Variants in SPOCK1 observed in about 807,000 individuals in gnomAD.
The protein encoded by SPOCK1 is SPARC (osteonectin), cwcv and kazal like domains proteoglycan 1.
A neutral mutation model predicts 55.3 loss-of-function variants in SPOCK1; 23 were observed. The observed-to-expected ratio is 0.42, with a 90% CI of 0.30 to 0.59. The LOEUF is 0.59. SPOCK1 is among the 20% of genes least tolerant of loss of function. SPOCK1 has a pLI of 0.22. For missense variants in SPOCK1, 499 were observed against 552.5 expected, an observed-to-expected ratio of 0.90 and a Z score of 0.97; for synonymous variants, 226 against 221.0, an observed-to-expected ratio of 1.02 and a Z score of -0.20.
At position 137,001,323 on chromosome 5, in the gene SPOCK1, T is replaced by C. The variant is rs992663926; in HGVS notation, c.590-8723A>G. ...TGGTGATCCACCAAATAGAAAAGTA[T>C]AGGAATCAAGGTCATGCATGTGATG... On this transcript the variant is annotated intron_variant, in intron 6 of 10. Transcript: ENST00000394945. Among the ~76,000 whole-genome samples the C allele has an allele frequency of 6.6e-5, 10 of 152,244 alleles. No individual in the cohort carries two copies. In the East Asian group the frequency reaches 1.9e-3, roughly 29 times the overall value.
intron 2 of SPOCK1, among the ~76,000 whole-genome samples, chr5:137,367,994 T>C (rs916891776): frequency 2.6e-5 from 4 of 152,330 alleles, no homozygotes; most frequent in African/African-American, 9.6e-5. Flanking sequence ...ACCCCACTTA[T>C]ACTATCCAAC....
At chr5:137,353,685 T>C (rs528628364) in intron 2 of SPOCK1, among the ~76,000 whole-genome samples, 19 of 152,270 alleles carry the variant, frequency 1.2e-4, no homozygotes, top group Admixed American at 1.0e-3. Context: ...CTCTGACCAA[T>C]AGGGACTGCA....
chr5:137,427,858 G>A (rs915284035), intron 2 of SPOCK1, among the ~76,000 whole-genome samples: 9 of 148,244 alleles, frequency 6.1e-5, no homozygotes, highest in Non-Finnish European at 8.9e-5. Flanking sequence ...GCAGTGAGCC[G>A]AGATCGCGCC....
At chr5:137,382,231 A>G (rs949542026) in intron 2 of SPOCK1, among the ~76,000 whole-genome samples, 9 of 152,240 alleles carry the variant, frequency 5.9e-5, no homozygotes, top group Non-Finnish European at 1.2e-4. Context: ...CTCAGCCTGG[A>G]CATCACTGTC....
intron 3 of SPOCK1, among the ~76,000 whole-genome samples, chr5:137,199,008 C>T (rs576684446): frequency 1.3e-5 from 2 of 152,282 alleles, no homozygotes; most frequent in South Asian, 2.1e-4. Flanking sequence ...CTGCCATAAC[C>T]GTTTGTCAAA....
intron 2 of SPOCK1, among the ~76,000 whole-genome samples, chr5:137,325,016 C>T (rs1758052027): frequency 6.7e-6 from 1 of 149,696 alleles, no homozygotes; most frequent in African/African-American, 2.5e-5. Flanking sequence ...ATTGTCAATA[C>T]ACCTGCAGAT....
chr5:137,199,157 G>A lies in SPOCK1; in HGVS notation c.233-58463C>T, dbSNP rs141464789. 1.6e-3 allele frequency among the ~76,000 whole-genome samples: 251 copies of A among 152,282 alleles called. 3 individuals are homozygous for A. Among genetic ancestry groups the A allele is most frequent in the Admixed American group, 0.015 (228 of 15,300 alleles). ...CTCAGAGTCTGAGTCAGTGGATTCT[G>A]TCACATTGTGACCCAGGAGAACACA... is the stretch of plus-strand genomic sequence containing the variant. On this transcript the variant is annotated intron_variant, in intron 3 of 10. Transcript: ENST00000394945.
intron 6 of SPOCK1, 105 bp from the exon 7 acceptor site, chr5:136,992,705 C>T: frequency 1.3e-6 from 1 of 757,206 alleles, no homozygotes; most frequent in Admixed American, 2.6e-5. Context: ...TCTATCCAAC[C>T]ACGATATAAC....
chr5:137,074,088 T>C (rs1358308029), intron 5 of SPOCK1, among the ~76,000 whole-genome samples: 3 of 152,108 alleles, frequency 2.0e-5, no homozygotes, highest in Non-Finnish European at 4.4e-5. Context: ...AAATCCAAAA[T>C]TGAGGACATT....
At chr5:137,082,762 C>A (rs1028799253) in intron 5 of SPOCK1, among the ~76,000 whole-genome samples, 4 of 152,178 alleles carry the variant, frequency 2.6e-5, no homozygotes, top group African/African-American at 9.7e-5. Context: ...AGTGGGGCAG[C>A]TTCAAAGACC....
At chr5:137,489,131 G>A (rs1561549053) in intron 2 of SPOCK1, among the ~76,000 whole-genome samples, 1 of 152,158 alleles carries the variant, frequency 6.6e-6, no homozygotes, top group East Asian at 1.9e-4. Flanking sequence ...GTCTGTCATA[G>A]GAACAATGGG....
chr5:137,206,820 C>A (rs999649058), intron 3 of SPOCK1, among the ~76,000 whole-genome samples: 1 of 152,168 alleles, frequency 6.6e-6, no homozygotes, highest in Non-Finnish European at 1.5e-5. Context: ...TTGATTTAAT[C>A]CTCAAATGCT....
At position 137,267,302 on chromosome 5, in the gene SPOCK1, C is replaced by T. The variant is rs140008037; in HGVS notation, c.187-247G>A. On this transcript the variant is annotated intron_variant, in intron 2 of 10. Transcript: ENST00000394945. ...AAAACATTTCAGCCCAGTATAGAAACAGCGCTGCTCTTCTTAGTTTGACAT... is the reference window on the plus strand; with the variant it reads ...AAAACATTTCAGCCCAGTATAGAAATAGCGCTGCTCTTCTTAGTTTGACAT... Among the ~76,000 whole-genome samples the T allele has an allele frequency of 1.6e-4, 25 of 152,332 alleles. No homozygotes were observed. The East Asian group carries it at 4.8e-3, about 29-fold the overall frequency.
At chr5:137,171,838 A>G (rs1163256978) in intron 3 of SPOCK1, among the ~76,000 whole-genome samples, 1 of 152,188 alleles carries the variant, frequency 6.6e-6, no homozygotes, top group African/African-American at 2.4e-5. Flanking sequence ...CAACATCAGT[A>G]TCCTCGTACC....
At chr5:137,214,002 A>T (rs1006890542) in intron 3 of SPOCK1, among the ~76,000 whole-genome samples, 1 of 152,214 alleles carries the variant, frequency 6.6e-6, no homozygotes, top group Admixed American at 6.5e-5. Flanking sequence ...AGACCAAAGA[A>T]AACTGCAACC....
intron 3 of SPOCK1, among the ~76,000 whole-genome samples, chr5:137,259,035 G>T (rs1427977412): frequency 6.6e-6 from 1 of 152,138 alleles, no homozygotes; most frequent in Non-Finnish European, 1.5e-5. Flanking sequence ...AGGAAGAAAC[G>T]CTCTTTGTAG....
At chr5:137,382,013 C>T (rs147857076) in intron 2 of SPOCK1, among the ~76,000 whole-genome samples, 11 of 152,270 alleles carry the variant, frequency 7.2e-5, no homozygotes, top group East Asian at 5.8e-4. Context: ...TTCACACATA[C>T]GAGCATATAC....
intron 2 of SPOCK1, among the ~76,000 whole-genome samples, chr5:137,390,191 C>A (rs1223511887): frequency 6.6e-6 from 1 of 152,112 alleles, no homozygotes; most frequent in African/African-American, 2.4e-5. Flanking sequence ...AAATACAAGA[C>A]AACTTGGCAG....
rs570349950 is a variant in SPOCK1 at position 137,000,432 on chromosome 5, ATTCTCAGGCTGCTGGAAGCC to A, written c.590-7852_590-7833del. Among the ~76,000 whole-genome samples the A allele has an allele frequency of 4.5e-4, 68 of 152,228 alleles. No individual in the cohort carries two copies. In the South Asian group the frequency reaches 0.014, roughly 31 times the overall value. ...TTGGGTCTCTTCCCTCCATCATGGCATTCTCAGGCTGCTGGAAGCCTTCAGCAGCAAGTGTCTGTCTCCCA... is the reference window on the plus strand; with the variant it reads ...TTGGGTCTCTTCCCTCCATCATGGCATTCAGCAGCAAGTGTCTGTCTCCCA... On this transcript the variant is annotated intron_variant, in intron 6 of 10. Coordinates refer to ENST00000394945, the MANE Select transcript of SPOCK1 (RefSeq NM_004598.4).
Sources: gnomAD v4.1 joint callset for allele counts (sites outside exome capture counted in the v4.1 genomes callset) on GRCh38, gnomAD v4.1.1 for gene constraint, MANE v1.5 for transcripts, NCBI Gene and HGNC (gene_info 2026-07-23, HGNC 2026-07-21) for gene names.